The following NEB variants were observed in gnomAD, a reference collection of about 807,000 sequenced individuals.
The protein encoded by NEB is nebulin.
Under a neutral mutation model 952.2 loss-of-function variants are expected in NEB, and 512 were observed. The observed-to-expected ratio is 0.54, with a 90% CI of 0.50 to 0.58. The LOEUF (loss-of-function observed/expected upper bound fraction) is 0.58. NEB is among the 20% of genes least tolerant of loss of function. The probability of loss-of-function intolerance (pLI) is 0.00; values close to 1 mark genes in which losing one functional copy is unlikely to be tolerated. For missense variants in NEB, 8,428 were observed against 9,231.1 expected (o/e 0.91, Z 3.56); for synonymous variants, 2,900 against 3,149.8 (o/e 0.92, Z 2.66).
intron 137 of NEB, 45 bp from the exon 138 acceptor site, chr2:151,540,493 C>G (rs1420693367): frequency 6.9e-7 from 1 of 1,452,626 alleles, no homozygotes; most frequent in South Asian, 1.2e-5. Context: ...AAGTGTCTTC[C>G]CAATTTCCAA....
Position 151,630,708 on chromosome 2 carries a change from C to A in NEB, c.9723+7G>T, listed in dbSNP as rs557480322. The A allele has an allele frequency of 1.9e-6, 3 of 1,592,854 alleles. No individual in the cohort carries two copies. The highest frequency in any genetic ancestry group is 2.3e-5 in the South Asian group (2 of 88,370). On this transcript the variant is annotated splice_region_variant and intron_variant, in intron 67 of 181. Transcript: ENST00000397345. ...CACAATATAGCACCACAGATTTTTG[C>A]TCCTACCTCACTGTAGTTGATTTTG...
intron 48 of NEB, among the ~76,000 whole-genome samples, chr2:151,657,294 G>T (rs1187133780): frequency 6.6e-6 from 1 of 152,142 alleles, no homozygotes; most frequent in African/African-American, 2.4e-5. Context: ...ACCAAGGAGA[G>T]ATTGTTTTGA....
rs1559626328 is a variant in NEB, at chr2:151,533,426, T to G, written c.21417+16A>C. ...CTTCTTCTAAACCTCCTTCTTCACA[T>G]CCCATCAGACATTACCTGGCTCCAC... On this transcript the variant is annotated intron_variant, in intron 143 of 181. Coordinates refer to ENST00000397345, the MANE Select transcript of NEB (RefSeq NM_001164508.2). The G allele has an allele frequency of 2.6e-6, 4 of 1,514,466 alleles. No homozygotes were observed. The African/African-American group carries it at 5.5e-5, about 21-fold the overall frequency. The allele number at this position is 1,514,466 out of a possible 1,614,324, so 93.8% of individuals were successfully genotyped here.
rs1177933491 is a variant in NEB, at chr2:151,499,492, G to GAA, written c.24022-104_24022-103dup. On this transcript the variant is annotated intron_variant, in intron 168 of 181. Coordinates refer to ENST00000397345, the MANE Select transcript of NEB (RefSeq NM_001164508.2). ...GGTATAAAACTACAGACGTCAGACA[G>GAA]AAAAGACAGATTCAACAAGTCAACC... The GAA allele has an allele frequency of 2.1e-5, 14 of 669,074 alleles. No homozygotes were observed. The Admixed American group carries it at 3.3e-4, about 16-fold the overall frequency. The allele number at this position is 669,074 out of a possible 1,614,324, so 41.4% of individuals were successfully genotyped here. A position where few individuals can be genotyped will look rare whatever the true frequency, so the allele number is the denominator to read the frequency against.
intron 32 of NEB, among the ~76,000 whole-genome samples, chr2:151,678,904 A>G (rs764168478): frequency 5.9e-5 from 9 of 152,176 alleles, no homozygotes. Flanking sequence ...TTATTCAATC[A>G]TCACATATTT....
intron 13 of NEB, among the ~76,000 whole-genome samples, chr2:151,703,247 T>A (rs927060561): frequency 8.8e-6 from 1 of 113,658 alleles, no homozygotes; most frequent in Non-Finnish European, 1.9e-5. Flanking sequence ...TCTGATGGGC[T>A]TCCCTTTGAG....
At chr2:151,613,111 T>C (rs2098061620) in intron 77 of NEB, among the ~76,000 whole-genome samples, 1 of 152,214 alleles carries the variant, frequency 6.6e-6, no homozygotes, top group Non-Finnish European at 1.5e-5. Context: ...CTGTCACTGC[T>C]TTTATCATTC....
In NEB at chr2:151,668,886, A is replaced by C. The variant is rs1261205198; in HGVS notation, c.4611+141T>G. 2.1e-5 allele frequency: 12 copies of C among 581,854 alleles called. No individual in the cohort carries two copies. In the East Asian group the frequency reaches 3.3e-4, roughly 16 times the overall value. 36.0% of individuals were successfully genotyped at this position (581,854 alleles called of 1,614,324 possible). A position where few individuals can be genotyped will look rare whatever the true frequency, so the allele number is the denominator to read the frequency against. ...AATTTTATTGCCGCCCCCTAGGCTCATGTTGCATGGTTAAGGGTTTAATGT... is the reference window on the plus strand; with the variant it reads ...AATTTTATTGCCGCCCCCTAGGCTCCTGTTGCATGGTTAAGGGTTTAATGT... On this transcript the variant is annotated intron_variant, in intron 39 of 181. Coordinates refer to ENST00000397345, the MANE Select transcript of NEB (RefSeq NM_001164508.2).
chr2:151,595,477 T>C lies in NEB; in HGVS notation c.14205+583A>G, dbSNP rs546460398. On this transcript the variant is annotated intron_variant, in intron 92 of 181. Coordinates refer to ENST00000397345, the MANE Select transcript of NEB (RefSeq NM_001164508.2). ...TAGTAGAGATGAGGTTTTACCATGT[T>C]GGCCAGGCTGGTCTCGAACTCCTGA... Among the ~76,000 whole-genome samples the C allele has an allele frequency of 8.2e-3, 1,219 of 148,156 alleles. 5 individuals are homozygous for C. The highest frequency in any genetic ancestry group is 0.029 in the African/African-American group (1,140 of 39,236).
chr2:151,705,140 C>A (rs2099699923), intron 13 of NEB, among the ~76,000 whole-genome samples: 1 of 152,082 alleles, frequency 6.6e-6, no homozygotes, highest in African/African-American at 2.4e-5. Context: ...TATAAGAAAT[C>A]TCTTATTATA....
rs767969927 is a variant in NEB at position 151,502,828 on chromosome 2, C to G, written c.23893G>C (p.Glu7965Gln). 6.2e-7 allele frequency: 1 copy of G among 1,608,710 alleles called. No homozygotes were observed. ...GIPTPITPEM[E>Q]RVKRNQENFS... is the part of the protein sequence containing the mutation. ...TTCTCTTGATTGCGTTTGACTCTCT[C>G]CATCTCTGGAGTGATAGGTGTTGGG... Residue 7965 changes from glutamate to glutamine, a missense_variant, in exon 167 of 182, where the codon GAG (glutamate) becomes CAG (glutamine). By Grantham distance (29) the Glu-to-Gln change is conservative (BLOSUM62 2). Transcript: ENST00000397345.
intron 37 of NEB, among the ~76,000 whole-genome samples, chr2:151,671,634 T>C (rs2099294996): frequency 1.3e-5 from 2 of 152,218 alleles, no homozygotes; most frequent in South Asian, 4.1e-4. Context: ...TCACTATGGG[T>C]GCTGCTAAAA....
chr2:151,507,167 G>C, intron 162 of NEB, 154 bp from the exon 163 acceptor site: 1 of 565,128 alleles, frequency 1.8e-6, no homozygotes, highest in South Asian at 2.4e-5. Context: ...GAAATTATTT[G>C]ATAAGAATTT....
At chr2:151,669,628 C>T (rs2099261837) in intron 38 of NEB, among the ~76,000 whole-genome samples, 1 of 152,004 alleles carries the variant, frequency 6.6e-6, no homozygotes, top group Non-Finnish European at 1.5e-5. Context: ...CAGTCCAAGT[C>T]ACAGGGCTGG....
At chr2:151,678,804 G>A (rs1417102874) in intron 32 of NEB, among the ~76,000 whole-genome samples, 1 of 152,132 alleles carries the variant, frequency 6.6e-6, no homozygotes, top group Admixed American at 6.5e-5. Context: ...GAAAGTTGGG[G>A]CAGGGGCAGC....
rs561769594 is a variant in NEB at position 151,556,698 on chromosome 2, G to A, written c.19315-1654C>T. On this transcript the variant is annotated intron_variant, in intron 124 of 181. Coordinates refer to ENST00000397345, the MANE Select transcript of NEB (RefSeq NM_001164508.2). ...ATATACACACCCAACACAGGAGCAC[G>A]CATATTCATAAAACAAGTTCTTGGA... Among the ~76,000 whole-genome samples, 5 of 152,188 alleles carry A rather than the reference G, an allele frequency of 3.3e-5. No homozygotes were observed. The East Asian group carries it at 5.8e-4, about 18-fold the overall frequency.
In NEB at chr2:151,527,483, C is replaced by T. The variant is rs200945025; in HGVS notation, c.21838G>A (p.Asp7280Asn). ...CGTCTGTGTCTCTCCTGTCTTACAT[C>T]GCTTTGCTGCAGGGATGACTTGGCA... is the stretch of plus-strand genomic sequence containing the variant. ...QAAKSSLQQS[D>N]FEYKLDREFL... is the part of the protein sequence containing the mutation. Residue 7280 changes from aspartate to asparagine, a missense_variant and splice_region_variant, in exon 147 of 182, where the codon GAT becomes AAT. Physicochemically the swap from Asp to Asn is conservative, Grantham distance 23. Coordinates refer to ENST00000397345, the MANE Select transcript of NEB (RefSeq NM_001164508.2). 1.9e-4 allele frequency: 304 copies of T among 1,610,212 alleles called. 2 individuals carry two copies. The Admixed American group carries it at 4.8e-3, about 26-fold the overall frequency.
At chr2:151,572,677 C>G (rs149299471) in intron 107 of NEB, among the ~76,000 whole-genome samples, 1 of 150,480 alleles carries the variant, frequency 6.6e-6, no homozygotes, top group South Asian at 2.1e-4. Context: ...ACCCAAGTAG[C>G]TGGGATTACA....
intron 68 of NEB, among the ~76,000 whole-genome samples, chr2:151,628,656 C>T (rs192589367): frequency 6.6e-6 from 1 of 152,104 alleles, no homozygotes; most frequent in Non-Finnish European, 1.5e-5. Context: ...GCCTAGCCAA[C>T]ATGGTGCAAC....
Sources: allele counts gnomAD v4.1 joint callset (sites outside exome capture counted in the v4.1 genomes callset), GRCh38; gene constraint gnomAD v4.1.1; transcripts MANE v1.5; gene names NCBI Gene and HGNC (gene_info 2026-07-23, HGNC 2026-07-21).